TNFRSF1B: variants seen among roughly 807,000 people sequenced by gnomAD.
TNFRSF1B encodes the protein TNF receptor superfamily member 1B, also known as tumor necrosis factor receptor superfamily member 1B.
A neutral mutation model predicts 44.6 loss-of-function variants in TNFRSF1B; 19 were observed. The ratio of observed to expected loss-of-function variants is 0.43; its 90% CI spans 0.30 to 0.62. TNFRSF1B has a LOEUF of 0.62. Ranked by LOEUF, TNFRSF1B falls within the 20% of genes least tolerant of loss-of-function variation. The pLI is 0.16. For synonymous variants in TNFRSF1B, 252 were observed against 261.1 expected, an observed-to-expected ratio of 0.97 and a Z score of 0.34; for missense variants, 541 against 619.9, an observed-to-expected ratio of 0.87 and a Z score of 1.35.
chr1:12,177,273 C>A lies in TNFRSF1B; in HGVS notation c.78+10104C>A, dbSNP rs535229903. On this transcript the variant is annotated intron_variant, in intron 1 of 9. Transcript: ENST00000376259. The surrounding 1 kb of genome is among the most constrained non-coding windows in gnomAD (Gnocchi z 4.3). ...CCACCTGCCTTGGCCTCCCAGAGTGCTGGGATTACAGGCGGGAGCCACCGT... is the reference window on the plus strand; with the variant it reads ...CCACCTGCCTTGGCCTCCCAGAGTGATGGGATTACAGGCGGGAGCCACCGT... 4.6e-5 allele frequency among the ~76,000 whole-genome samples: 7 copies of A among 152,268 alleles called. No homozygotes were observed. The highest frequency in any genetic ancestry group is 1.0e-4 in the Non-Finnish European group (7 of 68,008).
chr1:12,191,549 AGGACTGCGGAGAGTAGCG>A (rs5746022), intron 3 of TNFRSF1B, among the ~76,000 whole-genome samples: 1,935 of 150,902 alleles, frequency 0.013, 43 homozygotes, highest in African/African-American at 0.043. Context: ...GGGGACGAGC[AGGACTGCGGAGAGTAGCG>A]GGACTGCGGA....
At chr1:12,175,167 G>A (rs1291137051) in intron 1 of TNFRSF1B, among the ~76,000 whole-genome samples, 1 of 152,334 alleles carries the variant, frequency 6.6e-6, no homozygotes, top group South Asian at 2.1e-4. Flanking sequence ...AGGTCTTTCA[G>A]GAGCAAGGCC....
At chr1:12,172,795 T>A (rs2101077025) in intron 1 of TNFRSF1B, among the ~76,000 whole-genome samples, 1 of 152,352 alleles carries the variant, frequency 6.6e-6, no homozygotes, top group South Asian at 2.1e-4. Flanking sequence ...CTCCCCTCCC[T>A]TTGCCACCCC....
chr1:12,183,123 G>A (rs1178710600), intron 1 of TNFRSF1B, among the ~76,000 whole-genome samples: 2 of 152,216 alleles, frequency 1.3e-5, no homozygotes, highest in Non-Finnish European at 2.9e-5. Flanking sequence ...GCTCGGTACC[G>A]ATGAGCTACC....
Position 12,177,652 on chromosome 1 carries a change from C to T in TNFRSF1B, c.78+10483C>T, listed in dbSNP as rs1272452637. ...CAGATGCTGGCAGGGCACAGAGAGCCGAGGGCTAAGAGCTGACATTTAGCC... is the reference window on the plus strand; with the variant it reads ...CAGATGCTGGCAGGGCACAGAGAGCTGAGGGCTAAGAGCTGACATTTAGCC... On this transcript the variant is annotated intron_variant, in intron 1 of 9. Coordinates refer to ENST00000376259, the MANE Select transcript of TNFRSF1B (RefSeq NM_001066.3). The surrounding 1 kb of genome is among the most constrained non-coding windows in gnomAD (Gnocchi z 4.3). 6.6e-6 allele frequency among the ~76,000 whole-genome samples: 1 copy of T among 152,016 alleles called. No homozygotes were observed. The highest frequency in any genetic ancestry group is 2.4e-5 in the African/African-American group (1 of 41,368).
rs979609798 is a variant in TNFRSF1B, at chr1:12,183,272, C to T, written c.79-5524C>T. 3.9e-5 allele frequency among the ~76,000 whole-genome samples: 6 copies of T among 152,292 alleles called. 1 individual carries two copies. Among genetic ancestry groups the T allele is most frequent in the South Asian group, 4.1e-4 (2 of 4,824 alleles). On this transcript the variant is annotated intron_variant, in intron 1 of 9. Transcript: ENST00000376259. ...AGCTTCTTATCCATAGTCCTCTATC[C>T]GCTTGCCGCCATCCTGGCCCTGGCA...
chr1:12,179,292 C>T (rs556521431), intron 1 of TNFRSF1B, among the ~76,000 whole-genome samples: 16 of 152,306 alleles, frequency 1.1e-4, no homozygotes, highest in Admixed American at 5.2e-4. Context: ...CTCTCCGTGA[C>T]GGCAGACGGG....
At position 12,183,720 on chromosome 1, in the gene TNFRSF1B, C is replaced by CCTATCTATCTATCTAT. The variant is rs376176302; in HGVS notation, c.79-5060_79-5045dup. On this transcript the variant is annotated intron_variant, in intron 1 of 9. Transcript: ENST00000376259. Reference sequence around the variant, plus strand: ...TCTATCTATCTATCTATTCTATCTACCTATCTATCTATCTATCTATCTATC... The same window carrying CCTATCTATCTATCTAT: ...TCTATCTATCTATCTATTCTATCTACCTATCTATCTATCTATCTATCTATCTATCTATCTATCTATC... Among the ~76,000 whole-genome samples the CCTATCTATCTATCTAT allele has an allele frequency of 1.6e-3, 151 of 92,188 alleles. 3 individuals carry two copies. The highest frequency in any genetic ancestry group is 8.1e-3 in the Middle Eastern group (1 of 124). 60.5% of individuals were successfully genotyped at this position (92,188 alleles called of 152,430 possible). A position where few individuals can be genotyped will look rare whatever the true frequency, so the allele number is the denominator to read the frequency against.
intron 1 of TNFRSF1B, among the ~76,000 whole-genome samples, chr1:12,184,907 G>A (rs562530685): frequency 6.6e-6 from 1 of 152,186 alleles, no homozygotes; most frequent in African/African-American, 2.4e-5. Context: ...GGGGTGGGGG[G>A]CTGCCAGGGA....
In TNFRSF1B at chr1:12,171,819, C is replaced by T. The variant is rs1383720933; in HGVS notation, c.78+4650C>T. Among the ~76,000 whole-genome samples, 1 of 152,168 alleles carries T rather than the reference C, an allele frequency of 6.6e-6. No individual in the cohort carries two copies. Among genetic ancestry groups the T allele is most frequent in the Non-Finnish European group, 1.5e-5 (1 of 68,036 alleles). On this transcript the variant is annotated intron_variant, in intron 1 of 9. Coordinates refer to ENST00000376259, the MANE Select transcript of TNFRSF1B (RefSeq NM_001066.3). This position sits in a 1 kb window ranked among gnomAD's most constrained non-coding sequence, Gnocchi z 4.5. ...AGTGTCCTTTGGGGTTGGGGGATTG[C>T]CCCTGATTGAGAACCACTGGCCTAG...
chr1:12,170,441 T>C (rs1638495567), intron 1 of TNFRSF1B, among the ~76,000 whole-genome samples: 1 of 152,204 alleles, frequency 6.6e-6, no homozygotes, highest in Non-Finnish European at 1.5e-5. Context: ...TGTGAAAGGC[T>C]GAGAACCTGC....
rs956705961 is a variant in TNFRSF1B, at chr1:12,180,188, G to A, written c.79-8608G>A. Among the ~76,000 whole-genome samples the A allele has an allele frequency of 2.0e-5, 3 of 152,202 alleles. No homozygotes were observed. In the East Asian group the frequency reaches 5.8e-4, roughly 29 times the overall value. On this transcript the variant is annotated intron_variant, in intron 1 of 9. Transcript: ENST00000376259. This position sits in a 1 kb window ranked among gnomAD's most constrained non-coding sequence, Gnocchi z 4.3. ...CTCACGCCTGTAATCCCAGCACTTT[G>A]GGAGGCTGAGGGAGGAGGATCGCTT...
chr1:12,197,993 C>T (rs146058903), intron 8 of TNFRSF1B, among the ~76,000 whole-genome samples: 5 of 152,128 alleles, frequency 3.3e-5, no homozygotes, highest in Admixed American at 6.5e-5. Context: ...GGCGTGGTGG[C>T]GGGCGCCCGT....
At chr1:12,194,435 G>A in intron 7 of TNFRSF1B, 149 bp from the exon 8 acceptor site, 1 of 758,606 alleles carries the variant, frequency 1.3e-6, no homozygotes, top group Admixed American at 2.4e-5. Context: ...AGTTGGGTGG[G>A]GGCTTCTGTG....
chr1:12,189,594 G>A lies in TNFRSF1B; in HGVS notation c.178+699G>A, dbSNP rs190107104. 1.5e-4 allele frequency among the ~76,000 whole-genome samples: 23 copies of A among 152,260 alleles called. No individual in the cohort carries two copies. In the East Asian group the frequency reaches 4.2e-3, roughly 28 times the overall value. ...TATTCATTCATGTCATGATTATAAGGTATCTGCTGTGTGTTCTAAGTGCTG... is the reference window on the plus strand; with the variant it reads ...TATTCATTCATGTCATGATTATAAGATATCTGCTGTGTGTTCTAAGTGCTG... On this transcript the variant is annotated intron_variant, in intron 2 of 9. Coordinates refer to ENST00000376259, the MANE Select transcript of TNFRSF1B (RefSeq NM_001066.3).
In TNFRSF1B at chr1:12,177,854, A is replaced by G. The variant is rs1244631487; in HGVS notation, c.78+10685A>G. Among the ~76,000 whole-genome samples, 1 of 152,100 alleles carries G rather than the reference A, an allele frequency of 6.6e-6. No homozygotes were observed. Among genetic ancestry groups the G allele is most frequent in the African/African-American group, 2.4e-5 (1 of 41,398 alleles). On this transcript the variant is annotated intron_variant, in intron 1 of 9. Coordinates refer to ENST00000376259, the MANE Select transcript of TNFRSF1B (RefSeq NM_001066.3). This position sits in a 1 kb window ranked among gnomAD's most constrained non-coding sequence, Gnocchi z 4.3. Reference sequence around the variant, plus strand: ...GGGTGCTTCTTGGGTGCAATGCGCAAGAGACCGATGCATTAACTACACAGA... The same window carrying G: ...GGGTGCTTCTTGGGTGCAATGCGCAGGAGACCGATGCATTAACTACACAGA...
rs998708768 is a variant in TNFRSF1B at position 12,167,157 on chromosome 1, C to T, written c.66C>T (p.Ala22=). The part of the protein sequence containing the change: ...VGLELWAAAH[A]LPAQVAFTPY... Reference sequence around the variant, plus strand: ...TGGAGCTCTGGGCTGCGGCGCACGCCTTGCCCGCCCAGGTGGGTGACTCGC... The same window carrying T: ...TGGAGCTCTGGGCTGCGGCGCACGCTTTGCCCGCCCAGGTGGGTGACTCGC... The change falls in exon 1 of 10, where the codon GCC becomes GCT. Residue 22 remains alanine, a synonymous_variant. Coordinates refer to ENST00000376259, the MANE Select transcript of TNFRSF1B (RefSeq NM_001066.3). 2.3e-6 allele frequency: 3 copies of T among 1,293,362 alleles called. No individual in the cohort carries two copies. The highest frequency in any genetic ancestry group is 2.9e-6 in the Non-Finnish European group (3 of 1,018,046). 80.1% of individuals were successfully genotyped at this position (1,293,362 alleles called of 1,614,324 possible).
chr1:12,205,917 C>A (rs2101130597), intron 9 of TNFRSF1B, among the ~76,000 whole-genome samples: 2 of 152,116 alleles, frequency 1.3e-5, no homozygotes, highest in Middle Eastern at 6.8e-3. Context: ...CGTGAGCCAC[C>A]CTGCCTGGTC....
chr1:12,185,406 C>T (rs769532729), intron 1 of TNFRSF1B, among the ~76,000 whole-genome samples: 4 of 152,042 alleles, frequency 2.6e-5, no homozygotes, highest in Non-Finnish European at 2.9e-5. Flanking sequence ...ATGACAGGCA[C>T]CCCTGGGTGC....
Sources: gnomAD v4.1 joint callset for allele counts (sites outside exome capture counted in the v4.1 genomes callset) on GRCh38, gnomAD v4.1.1 for gene constraint, Gnocchi (gnomAD v3.1) non-coding constraint, MANE v1.5 for transcripts, NCBI Gene and HGNC (gene_info 2026-07-23, HGNC 2026-07-21) for gene names.